Variants in BPHL observed in about 807,000 individuals in gnomAD.
The protein encoded by BPHL is biphenyl hydrolase like, also known as serine hydrolase BPHL.
A neutral mutation model predicts 31.2 loss-of-function variants in BPHL; 27 were observed. The ratio of observed to expected loss-of-function variants is 0.87; its 90% confidence interval spans 0.64 to 1.19. BPHL has a LOEUF of 1.19. Among genes scored for constraint, BPHL ranks in the 50% most tolerant of loss-of-function variants. The pLI is 0.00. For missense variants in BPHL, 356 were observed against 375.7 expected, an observed-to-expected ratio of 0.95 and a Z score of 0.43; for synonymous variants, 150 against 146.8, an observed-to-expected ratio of 1.02 and a Z score of -0.16.
chr6:3,124,158 TTG>T lies in BPHL; in HGVS notation c.211+399_211+400del, dbSNP rs200039220. On this transcript the variant is annotated intron_variant, in intron 2 of 6. Coordinates refer to ENST00000380379, the MANE Select transcript of BPHL (RefSeq NM_004332.4). Reference sequence around the variant, plus strand: ...CTTTCAGTGCTAAAACTAGAGTGAATTGATCACTTGTTGTGGTTGATAATATA... The same window carrying T: ...CTTTCAGTGCTAAAACTAGAGTGAATATCACTTGTTGTGGTTGATAATATA... 1,208 of 154,010 alleles carry T rather than the reference TTG, an allele frequency of 7.8e-3. 5 individuals are homozygous for T. Among genetic ancestry groups the T allele is most frequent in the Non-Finnish European group, 0.012 (822 of 69,178 alleles). 9.5% of individuals were successfully genotyped at this position (154,010 alleles called of 1,614,324 possible).
At chr6:3,145,858 C>G (rs1334356802) in intron 6 of BPHL, among the ~76,000 whole-genome samples, 8 of 36,366 alleles carry the variant, frequency 2.2e-4, no homozygotes, top group South Asian at 7.8e-4. Flanking sequence ...GTGCTGGTTC[C>G]GGCTGGAGTG....
chr6:3,149,774 C>T lies in BPHL; in HGVS notation c.789-2714C>T, dbSNP rs905716929. ...CCTCCCGAGTAGCTGGGATTATAGG[C>T]GCGCATCACCACGCCGGCTAATTTT... is the stretch of plus-strand genomic sequence containing the variant. On this transcript the variant is annotated intron_variant, in intron 6 of 6. Coordinates refer to ENST00000380379, the MANE Select transcript of BPHL (RefSeq NM_004332.4). This position sits in a 1 kb window ranked among gnomAD's most constrained non-coding sequence, Gnocchi z 4.6. Among the ~76,000 whole-genome samples the T allele has an allele frequency of 3.3e-5, 5 of 152,038 alleles. No individual in the cohort carries two copies. The East Asian group carries it at 5.8e-4, about 18-fold the overall frequency.
At chr6:3,127,825 CT>C (rs4053354) in intron 3 of BPHL, among the ~76,000 whole-genome samples, 170 of 144,810 alleles carry the variant, frequency 1.2e-3, no homozygotes, top group Non-Finnish European at 1.2e-3. Context: ...CACCAATTTT[CT>C]TTTTTTTTTT....
chr6:3,140,315 C>T lies in BPHL; in HGVS notation c.665-71C>T, dbSNP rs769485372. 2.7e-4 allele frequency: 423 copies of T among 1,577,128 alleles called. No individual in the cohort carries two copies. Among genetic ancestry groups the T allele is most frequent in the Non-Finnish European group, 3.3e-4 (380 of 1,156,972 alleles). Reference sequence around the variant, plus strand: ...AGGGCCAAGGAGGGGCAGGGCTCGCCGAGTTTCGCCTCCTCTGACCGCGTA... The same window carrying T: ...AGGGCCAAGGAGGGGCAGGGCTCGCTGAGTTTCGCCTCCTCTGACCGCGTA... On this transcript the variant is annotated intron_variant, in intron 5 of 6. Transcript: ENST00000380379. This position sits in a 1 kb window ranked among gnomAD's most constrained non-coding sequence, Gnocchi z 5.2.
intron 6 of BPHL, among the ~76,000 whole-genome samples, chr6:3,145,890 G>A (rs1762330454): frequency 1.5e-5 from 1 of 67,672 alleles, no homozygotes; most frequent in Non-Finnish European, 3.5e-5. Flanking sequence ...CGGAGTGCTG[G>A]TTTGGGTCGA....
chr6:3,144,740 A>G (rs950817083), intron 6 of BPHL, among the ~76,000 whole-genome samples: 1 of 152,144 alleles, frequency 6.6e-6, no homozygotes, highest in Non-Finnish European at 1.5e-5. Context: ...AATTCTTCCC[A>G]TGTTGAACAC....
chr6:3,142,731 C>G (rs892696660), intron 6 of BPHL, among the ~76,000 whole-genome samples: 1 of 152,076 alleles, frequency 6.6e-6, no homozygotes, highest in African/African-American at 2.4e-5. Flanking sequence ...TGGTAACATG[C>G]CTAGAATAAG....
chr6:3,118,970 C>A, intron 1 of BPHL, 123 bp downstream of exon 1: 1 of 830,922 alleles, frequency 1.2e-6, no homozygotes, highest in Non-Finnish European at 1.6e-6. Flanking sequence ...CGCGGCCTGG[C>A]TGCCCTGTCG....
At chr6:3,141,008 G>T (rs1039783692) in intron 6 of BPHL, among the ~76,000 whole-genome samples, 15 of 152,208 alleles carry the variant, frequency 9.9e-5, no homozygotes. Context: ...GGGAAAGCAG[G>T]CACAGAAACA....
intron 6 of BPHL, among the ~76,000 whole-genome samples, chr6:3,143,014 T>A (rs1762221170): frequency 6.6e-6 from 1 of 151,874 alleles, no homozygotes; most frequent in African/African-American, 2.4e-5. Context: ...AGGTCAGGAG[T>A]TCAAGACCAG....
chr6:3,141,454 G>A (rs879572707), intron 6 of BPHL, among the ~76,000 whole-genome samples: 2 of 152,102 alleles, frequency 1.3e-5, no homozygotes, highest in African/African-American at 2.4e-5. Flanking sequence ...TGCAACCTCC[G>A]CCTCCCAGGT....
rs1392287031 is a variant in BPHL at position 3,127,392 on chromosome 6, C to T, written c.362C>T (p.Ala121Val). 4 of 1,604,574 alleles carry T rather than the reference C, an allele frequency of 2.5e-6. No individual in the cohort carries two copies. The highest frequency in any genetic ancestry group is 3.4e-6 in the Non-Finnish European group (4 of 1,174,334). The change falls in exon 3 of 7, where the codon GCT (alanine) becomes GTT (valine). Residue 121 changes from alanine (A) to valine (V), a missense_variant. By Grantham distance (64) the Ala-to-Val change is moderately conservative (BLOSUM62 0). Coordinates refer to ENST00000380379, the MANE Select transcript of BPHL (RefSeq NM_004332.4). ...ADFFERDAKD[A>V]VDLMKALKFK... ...TTTTTTGAAAGGGATGCAAAAGATG[C>T]TGTTGATTTGATGAAGGTAGGTCTC...
rs146693384 is a variant in BPHL at position 3,126,235 on chromosome 6, C to G, written c.212-1007C>G. ...AAAATAAAATCTTTAGGCTATTCACCTTAGCTTAGTAAAAAAAAAAAAAAT... is the reference window on the plus strand; with the variant it reads ...AAAATAAAATCTTTAGGCTATTCACGTTAGCTTAGTAAAAAAAAAAAAAAT... On this transcript the variant is annotated intron_variant, in intron 2 of 6. Transcript: ENST00000380379. Among the ~76,000 whole-genome samples, 904 of 150,872 alleles carry G rather than the reference C, an allele frequency of 6.0e-3. 19 individuals are homozygous for G. The highest frequency in any genetic ancestry group is 0.021 in the African/African-American group (875 of 41,096).
At chr6:3,137,047 T>C (rs1359189009) in intron 4 of BPHL, among the ~76,000 whole-genome samples, 1 of 152,178 alleles carries the variant, frequency 6.6e-6, no homozygotes, top group East Asian at 1.9e-4. Flanking sequence ...TCTAATTTCA[T>C]CCACTTGGTA....
intron 4 of BPHL, among the ~76,000 whole-genome samples, chr6:3,136,570 G>T (rs563215411): frequency 6.6e-6 from 1 of 152,334 alleles, no homozygotes; most frequent in South Asian, 2.1e-4. Context: ...TGCCTGCCAG[G>T]TGCCTGACGT....
At chr6:3,129,276 T>C (rs1170992376) in intron 4 of BPHL, 78 bp downstream of exon 4, 4 of 1,443,994 alleles carry the variant, frequency 2.8e-6, no homozygotes, top group Non-Finnish European at 3.7e-6. Flanking sequence ...TTGTGGGATA[T>C]GTTGACAAGA....
intron 1 of BPHL, among the ~76,000 whole-genome samples, chr6:3,121,084 G>A (rs1027989904): frequency 2.0e-5 from 3 of 152,090 alleles, no homozygotes; most frequent in Non-Finnish European, 4.4e-5. Context: ...GTAAAAGCCT[G>A]GGGATATAAT....
chr6:3,143,879 C>T (rs9405612), intron 6 of BPHL, among the ~76,000 whole-genome samples: 102,289 of 152,098 alleles, frequency 0.67, 35,114 homozygotes, highest in African/African-American at 0.75. Flanking sequence ...CGACTGCAAA[C>T]GATGAGTCCC....
At chr6:3,147,536 G>A (rs891003539) in intron 6 of BPHL, among the ~76,000 whole-genome samples, 7 of 152,156 alleles carry the variant, frequency 4.6e-5, no homozygotes, top group Admixed American at 4.6e-4. Flanking sequence ...TTACTTCAAA[G>A]GATGCTCCCG....
Sources: allele counts gnomAD v4.1 joint callset (sites outside exome capture counted in the v4.1 genomes callset), GRCh38; gene constraint gnomAD v4.1.1; non-coding constraint Gnocchi (gnomAD v3.1); transcripts MANE v1.5; gene names NCBI Gene and HGNC (gene_info 2026-07-23, HGNC 2026-07-21).